RCC1L: variants seen among roughly 807,000 people sequenced by gnomAD.
RCC1L encodes RCC1-like G exchanging factor-like protein.
In RCC1L, 46 loss-of-function variants were observed where a neutral mutation model predicts 58.6. The observed-to-expected ratio is 0.79, with a 90% CI of 0.62 to 1.00. The LOEUF (loss-of-function observed/expected upper bound fraction) is 1.00, where lower values mean the gene tolerates loss of function less well. Ranked by LOEUF, RCC1L falls within the 50% of genes least tolerant of loss-of-function variation. RCC1L has a pLI of 0.00. For missense variants in RCC1L, 636 were observed against 623.6 expected, an observed-to-expected ratio of 1.02 and a Z score of -0.21; for synonymous variants, 281 against 262.9, an observed-to-expected ratio of 1.07 and a Z score of -0.67.
chr7:75,072,114 T>C (rs1806756873), intron 1 of RCC1L, among the ~76,000 whole-genome samples: 1 of 135,962 alleles, frequency 7.4e-6, no homozygotes, highest in Non-Finnish European at 1.6e-5. Flanking sequence ...ACCTATATTT[T>C]GTACTCTATT....
chr7:75,072,166 A>ATATATATATATATG (rs1267410987), intron 1 of RCC1L, among the ~76,000 whole-genome samples: 3 of 59,584 alleles, frequency 5.0e-5, no homozygotes, highest in Non-Finnish European at 7.3e-5. Flanking sequence ...ATATACATAT[A>ATATATATATATATG]TATATATATA....
At chr7:75,037,378 G>A (rs904862247), downstream of RCC1L, among the ~76,000 whole-genome samples, 1 of 151,282 alleles carries the variant, frequency 6.6e-6, no homozygotes, top group Non-Finnish European at 1.5e-5. Context: ...AAGTAGAGAC[G>A]GTGTTTCACC....
At chr7:75,045,274 G>A (rs1805686644) in intron 10 of RCC1L, among the ~76,000 whole-genome samples, 2 of 152,174 alleles carry the variant, frequency 1.3e-5, no homozygotes, top group South Asian at 2.1e-4. Flanking sequence ...CGAACTCCTG[G>A]GCTCAAGCTA....
At chr7:75,049,917 T>G (rs1805853480) in intron 10 of RCC1L, among the ~76,000 whole-genome samples, 1 of 151,792 alleles carries the variant, frequency 6.6e-6, no homozygotes, top group African/African-American at 2.4e-5. Context: ...GAAAAATCAC[T>G]TGTAATTTTT....
intron 10 of RCC1L, among the ~76,000 whole-genome samples, chr7:75,031,499 T>TA (rs1361421499): frequency 6.7e-5 from 10 of 149,940 alleles, no homozygotes; most frequent in East Asian, 5.8e-4. Flanking sequence ...TTGTACTTTG[T>TA]AAAGTGTTAA....
At chr7:75,055,826 C>T (rs782677655) in intron 9 of RCC1L, 75 bp downstream of exon 9, 12 of 1,570,198 alleles carry the variant, frequency 7.6e-6, no homozygotes, top group East Asian at 2.2e-5. Flanking sequence ...GAGAGCTGCC[C>T]GCAGTTTGGG....
Position 75,027,981 on chromosome 7 carries a change from C to T in RCC1L, c.*51G>A, listed in dbSNP as rs996833315. The T allele has an allele frequency of 7.6e-5, 116 of 1,522,148 alleles. No homozygotes were observed. In the Middle Eastern group the frequency reaches 3.4e-3, roughly 44 times the overall value. The allele number at this position is 1,522,148 out of a possible 1,614,324, so 94.3% of individuals were successfully genotyped here. ...ATGTGTTTCTCAGAGGGGCTCCATC[C>T]GCAGTTGCATGGAACTCCTTACCTG... On this transcript the variant is annotated 3_prime_UTR_variant, in exon 11 of 11. Transcript: ENST00000614461.
intron 10 of RCC1L, among the ~76,000 whole-genome samples, chr7:75,033,157 C>T (rs1484374563): frequency 2.0e-5 from 3 of 150,506 alleles, no homozygotes; most frequent in Non-Finnish European, 4.4e-5. Context: ...CTCTCAAAAT[C>T]ATCCCCTTAT....
intron 10 of RCC1L, among the ~76,000 whole-genome samples, chr7:75,036,948 C>T (rs1805441344): frequency 6.6e-6 from 1 of 152,016 alleles, no homozygotes; most frequent in Admixed American, 6.6e-5. Flanking sequence ...ACATCAACTG[C>T]TGGAGTTGTG....
At chr7:75,059,619 C>T (rs2131997637) in intron 6 of RCC1L, among the ~76,000 whole-genome samples, 1 of 151,900 alleles carries the variant, frequency 6.6e-6, no homozygotes, top group East Asian at 1.9e-4. Flanking sequence ...CTATGTTGCC[C>T]AGGCTGGTAT....
chr7:75,061,942 C>T (rs1050605422), intron 5 of RCC1L, among the ~76,000 whole-genome samples: 4 of 152,322 alleles, frequency 2.6e-5, no homozygotes, highest in African/African-American at 7.2e-5. Flanking sequence ...AATCCCAACA[C>T]GTTGAGAGGC....
exon 11 of RCC1L, chr7:75,027,520 G>GT (rs1805170428): frequency 2.5e-5 from 4 of 159,818 alleles, no homozygotes. Flanking sequence ...TGTTTTTTTT[G>GT]TTTTTTGTAA....
At chr7:75,041,307 A>G (rs1480712719), downstream of RCC1L, among the ~76,000 whole-genome samples, 1 of 152,074 alleles carries the variant, frequency 6.6e-6, no homozygotes, top group Admixed American at 6.6e-5. Context: ...CGGCCCACAG[A>G]ACCACTTCAT....
chr7:75,039,453 A>G (rs924645971), downstream of RCC1L, among the ~76,000 whole-genome samples: 9 of 152,228 alleles, frequency 5.9e-5, no homozygotes, highest in Non-Finnish European at 8.8e-5. Context: ...TCATGACAGC[A>G]TCCTATTGAG....
At chr7:75,046,053 C>T (rs1207894778) in intron 10 of RCC1L, among the ~76,000 whole-genome samples, 9 of 152,236 alleles carry the variant, frequency 5.9e-5, no homozygotes, top group Admixed American at 2.0e-4. Context: ...CCCTAAAAGC[C>T]GAGAGGCGGC....
intron 10 of RCC1L, among the ~76,000 whole-genome samples, chr7:75,030,081 C>T (rs1031392640): frequency 1.3e-4 from 20 of 152,208 alleles, no homozygotes; most frequent in Admixed American, 3.9e-4. Context: ...TGAGCCATGG[C>T]ATCCAGGGAC....
rs1806160471 is a variant in RCC1L at position 75,058,657 on chromosome 7, G to A, written c.900C>T (p.Ala300=). ...TTCCCCAACCAAAAAGTCCTCCGTC[G>A]GCGGACACGGCCAGGCAGCAATCAC... ...TYGDCCLAVS[A]DGGLFGWGNS... The change falls in exon 7 of 11, where the codon GCC becomes GCT. Residue 300 remains alanine (A), a synonymous_variant. Coordinates refer to ENST00000610322, the MANE Select transcript of RCC1L (RefSeq NM_030798.5). The A allele has an allele frequency of 6.2e-6, 10 of 1,613,726 alleles. No homozygotes were observed. The highest frequency in any genetic ancestry group is 4.0e-5 in the African/African-American group (3 of 74,898).
intron 4 of RCC1L, 147 bp from the exon 5 acceptor site, chr7:75,063,490 C>T (rs1352423638): frequency 8.1e-6 from 7 of 867,134 alleles, no homozygotes; most frequent in African/African-American, 6.6e-5. Flanking sequence ...AATCTTAGGT[C>T]GAGTCAGGCC....
Position 75,073,754 on chromosome 7 carries a change from C to T in RCC1L, c.-17G>A, listed in dbSNP as rs1806868220. ...CAGCGCCATCCTCCGTTCCGCGCCT[C>T]AGCAGCCTCTGGGCGCCGCCATCTT... is the stretch of plus-strand genomic sequence containing the variant. On this transcript the variant is annotated 5_prime_UTR_variant, in exon 1 of 11. An upstream open reading frame in the 5' UTR loses its in-frame stop. Coordinates refer to ENST00000610322, the MANE Select transcript of RCC1L (RefSeq NM_030798.5). The T allele has an allele frequency of 1.4e-5, 21 of 1,498,342 alleles. No individual in the cohort carries two copies. In the East Asian group the frequency reaches 5.1e-4, roughly 36 times the overall value. 92.8% of individuals were successfully genotyped at this position (1,498,342 alleles called of 1,614,324 possible). A position where few individuals can be genotyped will look rare whatever the true frequency, so the allele number is the denominator to read the frequency against.
Sources: gnomAD v4.1 joint callset for allele counts (sites outside exome capture counted in the v4.1 genomes callset) on GRCh38, gnomAD v4.1.1 for gene constraint, MANE v1.5 for transcripts, NCBI Gene and HGNC (gene_info 2026-07-23, HGNC 2026-07-21) for gene names.